PTPRO: variants seen among roughly 807,000 people sequenced by gnomAD.
PTPRO encodes receptor-type tyrosine-protein phosphatase O.
PTPRO carries 62 observed loss-of-function variants against 145.2 expected under a neutral mutation model. The ratio of observed to expected loss-of-function variants is 0.43; its 90% CI spans 0.35 to 0.53. PTPRO has a LOEUF of 0.53. Ranked by LOEUF, PTPRO falls within the 20% of genes least tolerant of loss-of-function variation. PTPRO has a pLI of 0.01. For synonymous variants in PTPRO, 565 were observed against 514.7 expected, an observed-to-expected ratio of 1.10 and a Z score of -1.32; for missense variants, 1,345 against 1,482.7, an observed-to-expected ratio of 0.91 and a Z score of 1.53.
chr12:15,484,844 T>C (rs1318141461), intron 2 of PTPRO, among the ~76,000 whole-genome samples: 1 of 152,144 alleles, frequency 6.6e-6, no homozygotes, highest in East Asian at 1.9e-4. Context: ...CATTGGGAAA[T>C]TTTTAGGAAT....
At chr12:15,457,624 T>C (rs1318049607) in intron 1 of PTPRO, among the ~76,000 whole-genome samples, 2 of 152,240 alleles carry the variant, frequency 1.3e-5, no homozygotes, top group East Asian at 3.9e-4. Context: ...ATTGAAATTT[T>C]ATATTGATAT....
chr12:15,352,272 G>C (rs751456522), intron 1 of PTPRO, among the ~76,000 whole-genome samples: 1 of 152,140 alleles, frequency 6.6e-6, no homozygotes, highest in Admixed American at 6.5e-5. Flanking sequence ...GTCAGGAACT[G>C]TTCATAATTG....
intron 2 of PTPRO, among the ~76,000 whole-genome samples, chr12:15,487,986 C>T (rs1012833881): frequency 2.0e-5 from 3 of 152,164 alleles, no homozygotes; most frequent in Non-Finnish European, 2.9e-5. Flanking sequence ...TCCTGCTGTG[C>T]TTTGCCAAAG....
intron 12 of PTPRO, among the ~76,000 whole-genome samples, chr12:15,529,210 A>G (rs777782549): frequency 6.6e-6 from 1 of 152,214 alleles, no homozygotes; most frequent in Non-Finnish European, 1.5e-5. Context: ...CAACCTGTTA[A>G]GAGATAGGTA....
intron 1 of PTPRO, among the ~76,000 whole-genome samples, chr12:15,481,457 A>T (rs1941777188): frequency 6.6e-6 from 1 of 152,202 alleles, no homozygotes; most frequent in Admixed American, 6.5e-5. Flanking sequence ...CCTTCACAAG[A>T]TGTTTATTTT....
At chr12:15,381,071 G>A (rs918241798) in intron 1 of PTPRO, among the ~76,000 whole-genome samples, 1 of 152,114 alleles carries the variant, frequency 6.6e-6, no homozygotes, top group Admixed American at 6.5e-5. Flanking sequence ...ACAGTACATC[G>A]CAGGCTGAAT....
In PTPRO at chr12:15,432,684, A is replaced by G. The variant is rs186304084; in HGVS notation, c.76-51290A>G. On this transcript the variant is annotated intron_variant, in intron 1 of 26. Transcript: ENST00000281171. ...GTATCTGTTATTTTGTGACTTTTGA[A>G]TCATAGCCTTCTGACTGGTGTGAGA... is the stretch of plus-strand genomic sequence containing the variant. Among the ~76,000 whole-genome samples, 268 of 152,250 alleles carry G rather than the reference A, an allele frequency of 1.8e-3. 1 individual carries two copies. The highest frequency in any genetic ancestry group is 6.1e-3 in the African/African-American group (253 of 41,568).
At chr12:15,527,878 C>CGCCCACCACCCCCCG (rs1565686257) in intron 12 of PTPRO, among the ~76,000 whole-genome samples, 1 of 150,692 alleles carries the variant, frequency 6.6e-6, no homozygotes, top group African/African-American at 2.5e-5. Context: ...AACTGTGACC[C>CGCCCACCACCCCCCG]GCCCACGCTA....
intron 25 of PTPRO, among the ~76,000 whole-genome samples, chr12:15,594,528 T>G (rs928611862): frequency 6.6e-6 from 1 of 151,710 alleles, no homozygotes; most frequent in African/African-American, 2.4e-5. Flanking sequence ...TATATATACA[T>G]ACATATATAT....
chr12:15,398,324 A>G (rs906273136), intron 1 of PTPRO, among the ~76,000 whole-genome samples: 3 of 152,176 alleles, frequency 2.0e-5, no homozygotes, highest in Admixed American at 1.3e-4. Flanking sequence ...TTTTTAAATC[A>G]TAGTTCTTTG....
At chr12:15,416,011 A>G (rs1158936664) in intron 1 of PTPRO, among the ~76,000 whole-genome samples, 2 of 151,724 alleles carry the variant, frequency 1.3e-5, no homozygotes, top group Non-Finnish European at 2.9e-5. Flanking sequence ...GATAACTTAG[A>G]ATGGGACAAA....
chr12:15,448,589 C>T (rs1406871543), intron 1 of PTPRO, among the ~76,000 whole-genome samples: 1 of 151,888 alleles, frequency 6.6e-6, no homozygotes, highest in African/African-American at 2.4e-5. Context: ...GTGTAAATTG[C>T]TAGAGCCATA....
chr12:15,411,380 G>A (rs1205031397), intron 1 of PTPRO, among the ~76,000 whole-genome samples: 2 of 152,220 alleles, frequency 1.3e-5, no homozygotes, highest in South Asian at 2.1e-4. Flanking sequence ...GCTGACCAAA[G>A]AAAGTTTTCT....
chr12:15,351,788 C>CA (rs1056360313), intron 1 of PTPRO, among the ~76,000 whole-genome samples: 1 of 152,032 alleles, frequency 6.6e-6, no homozygotes, highest in East Asian at 1.9e-4. Context: ...AGGGATTTAA[C>CA]AAAAAAACAT....
chr12:15,353,940 CTA>C (rs1438255188), intron 1 of PTPRO, among the ~76,000 whole-genome samples: 1 of 152,174 alleles, frequency 6.6e-6, no homozygotes, highest in Non-Finnish European at 1.5e-5. Flanking sequence ...TCCATAAAAG[CTA>C]TGCTCTTGTC....
chr12:15,506,088 A>G (rs1306691392), intron 6 of PTPRO, among the ~76,000 whole-genome samples: 3 of 152,190 alleles, frequency 2.0e-5, no homozygotes, highest in East Asian at 1.9e-4. Flanking sequence ...GCCTGCCATG[A>G]CCCATGTCCT....
chr12:15,349,427 G>T (rs1356391153), intron 1 of PTPRO, among the ~76,000 whole-genome samples: 2 of 152,202 alleles, frequency 1.3e-5, no homozygotes, highest in African/African-American at 2.4e-5. Flanking sequence ...TGCTCCAGCT[G>T]CAAATGGGGA....
At chr12:15,460,027 T>C (rs1443835797) in intron 1 of PTPRO, among the ~76,000 whole-genome samples, 1 of 152,208 alleles carries the variant, frequency 6.6e-6, no homozygotes, top group Non-Finnish European at 1.5e-5. Context: ...AACCACTATC[T>C]TGCTAAGAAG....
chr12:15,410,760 T>C (rs1449611707), intron 1 of PTPRO: 1 of 152,228 alleles, frequency 6.6e-6, no homozygotes, highest in East Asian at 1.9e-4. Flanking sequence ...AAATTTAAGA[T>C]AGCTTAGGAT....
Sources: allele counts gnomAD v4.1 joint callset (sites outside exome capture counted in the v4.1 genomes callset), GRCh38; gene constraint gnomAD v4.1.1; transcripts MANE v1.5; gene names NCBI Gene and HGNC (gene_info 2026-07-23, HGNC 2026-07-21).